RTL1: variants seen among roughly 807,000 people sequenced by gnomAD.
RTL1 encodes the protein retrotransposon-like protein 1.
For missense variants in RTL1, 1,681 were observed against 1,767.5 expected (o/e 0.95, Z 0.88); for synonymous variants, 727 against 748.4 (o/e 0.97, Z 0.47).
At position 100,881,015 on chromosome 14, in the gene RTL1, G is replaced by T. The variant is rs2038601035; in HGVS notation, c.3774C>A (p.Asp1258Glu). 4 of 1,587,208 alleles carry T rather than the reference G, an allele frequency of 2.5e-6. No homozygotes were observed. Among genetic ancestry groups the T allele is most frequent in the African/African-American group, 2.7e-5 (2 of 74,448 alleles). The change falls in exon 4 of 4, where the codon GAC becomes GAA. Residue 1258 changes from aspartate to glutamate, a missense_variant. Physicochemically the swap from Asp to Glu is conservative, Grantham distance 45. Coordinates refer to ENST00000649591, the MANE Select transcript of RTL1 (RefSeq NM_001134888.3). The surrounding 1 kb of genome is among the most constrained non-coding windows in gnomAD (Gnocchi z 6.6). ...CCTCCTGCACGTCGTTGTCCTGCTTGTCCTGCGAGGTGTCTTGCAGGCCGT... is the reference window on the plus strand; with the variant it reads ...CCTCCTGCACGTCGTTGTCCTGCTTTTCCTGCGAGGTGTCTTGCAGGCCGT... ...LHDGLQDTSQDKQDNDVQEAP... is the reference protein window; with the variant it reads ...LHDGLQDTSQEKQDNDVQEAP...
At chr14:100,889,407 A>G (rs753582139) in intron 3 of RTL1, among the ~76,000 whole-genome samples, 1 of 152,194 alleles carries the variant, frequency 6.6e-6, no homozygotes, top group South Asian at 2.1e-4. Context: ...TACTTAAACT[A>G]TAAAGCTGAA....
In RTL1 at chr14:100,880,634, G is replaced by T; in HGVS notation, c.*78C>A. ...GAAGGGAAGCGAAGCAGGCTGAGGC[G>T]CGGGGAGGCCAGGGGACGTCGGGAG... On this transcript the variant is annotated 3_prime_UTR_variant, in exon 4 of 4. Coordinates refer to ENST00000649591, the MANE Select transcript of RTL1 (RefSeq NM_001134888.3). 1 of 1,527,002 alleles carries T rather than the reference G, an allele frequency of 6.5e-7. No homozygotes were observed. The allele number at this position is 1,527,002 out of a possible 1,614,324, so 94.6% of individuals were successfully genotyped here.
intron 2 of RTL1, chr14:100,897,739 T>G: frequency 8.8e-6 from 1 of 113,270 alleles, no homozygotes; most frequent in African/African-American, 1.5e-4. Context: ...TCAGGTCCTT[T>G]ACCCTGGTTG....
chr14:100,881,205 G>A lies in RTL1; in HGVS notation c.3584C>T (p.Thr1195Met), dbSNP rs377347537. Residue 1195 changes from threonine (T) to methionine (M), a missense_variant, in exon 4 of 4, where the codon ACG (threonine) becomes ATG (methionine). By Grantham distance (81) the Thr-to-Met change is moderately conservative (BLOSUM62 -1). Transcript: ENST00000649591. This position sits in a 1 kb window ranked among gnomAD's most constrained non-coding sequence, Gnocchi z 6.6. ...TCTGACACCGAAGAACTCACACAGC[G>A]TCAGCCAGAAGCCAGGGGTGAACTG... ...GLQFTPGFWL[T>M]LCEFFGVRVT... 39 of 1,544,082 alleles carry A rather than the reference G, an allele frequency of 2.5e-5. No individual in the cohort carries two copies. The highest frequency in any genetic ancestry group is 2.4e-4 in the East Asian group (10 of 40,834).
intron 2 of RTL1, among the ~76,000 whole-genome samples, chr14:100,902,744 T>C (rs1380900609): frequency 6.6e-6 from 1 of 152,244 alleles, no homozygotes; most frequent in Non-Finnish European, 1.5e-5. Context: ...GCTTTTCCCC[T>C]GTGAAATGGA....
rs1369963713 is a variant in RTL1 at position 100,884,369 on chromosome 14, G to A, written c.420C>T (p.Asp140=). The change falls in exon 4 of 4, where the codon GAC becomes GAT. Residue 140 remains aspartate (D), a synonymous_variant. Coordinates refer to ENST00000649591, the MANE Select transcript of RTL1 (RefSeq NM_001134888.3). The part of the protein sequence containing the change: ...GAREEQEAHT[D]LKESGREETP... The stretch of plus-strand genomic sequence containing the variant: ...TCTCCTCCCTTCCCGATTCCTTCAG[G>A]TCAGTGTGAGCCTCTTGTTCTTCTC... 1.9e-6 allele frequency: 3 copies of A among 1,569,574 alleles called. No individual in the cohort carries two copies. The highest frequency in any genetic ancestry group is 4.7e-5 in the East Asian group (2 of 42,676).
At position 100,883,486 on chromosome 14, in the gene RTL1, C is replaced by T. The variant is rs1291130795; in HGVS notation, c.1303G>A (p.Gly435Ser). Residue 435 changes from glycine to serine, a missense_variant, in exon 4 of 4, where the codon GGC becomes AGC. Coordinates refer to ENST00000649591, the MANE Select transcript of RTL1 (RefSeq NM_001134888.3). The surrounding 1 kb of genome is among the most constrained non-coding windows in gnomAD (Gnocchi z 5.9). ...GCGAACTTCTCATCCATGAAGTTGC[C>T]GTCAGCTCCCGAATCCACCAGGGCC... ...VQALVDSGADGNFMDEKFAQE... is the reference protein window; with the variant it reads ...VQALVDSGADSNFMDEKFAQE... 19 of 1,551,260 alleles carry T rather than the reference C, an allele frequency of 1.2e-5. No individual in the cohort carries two copies. The Admixed American group carries it at 2.7e-4, about 22-fold the overall frequency.
chr14:100,900,061 C>T (rs981469495), intron 2 of RTL1, among the ~76,000 whole-genome samples: 2 of 152,222 alleles, frequency 1.3e-5, no homozygotes, highest in African/African-American at 4.8e-5. Context: ...CACTTTGAAT[C>T]GGGTTTCCCG....
At chr14:100,889,405 C>G (rs1294734114) in intron 3 of RTL1, among the ~76,000 whole-genome samples, 1 of 152,182 alleles carries the variant, frequency 6.6e-6, no homozygotes, top group Non-Finnish European at 1.5e-5. Context: ...TCTACTTAAA[C>G]TATAAAGCTG....
In RTL1 at chr14:100,883,509, G is replaced by A. The variant is rs890613867; in HGVS notation, c.1280C>T (p.Ala427Val). The change falls in exon 4 of 4, where the codon GCC (alanine) becomes GTC (valine). Residue 427 changes from alanine (A) to valine (V), a missense_variant. Ala to Val is a moderately conservative substitution (Grantham distance 64, BLOSUM62 0). Transcript: ENST00000649591. The surrounding 1 kb of genome is among the most constrained non-coding windows in gnomAD (Gnocchi z 5.9). ...VNPYHSVAVQ[A>V]LVDSGADGNF... ...GCCGTCAGCTCCCGAATCCACCAGGGCCTGGACCGCGACGCTGTGGTAGGG... is the reference window on the plus strand; with the variant it reads ...GCCGTCAGCTCCCGAATCCACCAGGACCTGGACCGCGACGCTGTGGTAGGG... The A allele has an allele frequency of 3.2e-6, 5 of 1,551,400 alleles. No individual in the cohort carries two copies. Among genetic ancestry groups the A allele is most frequent in the African/African-American group, 2.7e-5 (2 of 73,046 alleles).
chr14:100,884,102 T>A lies in RTL1; in HGVS notation c.687A>T (p.Arg229Ser). The A allele has an allele frequency of 6.4e-7, 1 of 1,551,648 alleles. No homozygotes were observed. ...CTCTCAGACGGTCGTTATAGAACAT[T>A]CTTGGGTAGCTCTGTAAGGTCAGTT... Reference protein sequence around the residue: ...LCQLTLQSYPRMFYNDRLRVG... With the variant: ...LCQLTLQSYPSMFYNDRLRVG... Residue 229 changes from arginine (R) to serine (S), a missense_variant, in exon 4 of 4, where the codon AGA becomes AGT. Arg to Ser is a moderately radical substitution (Grantham distance 110). Transcript: ENST00000649591.
At chr14:100,902,185 T>C (rs1171607811) in intron 2 of RTL1, among the ~76,000 whole-genome samples, 1 of 152,206 alleles carries the variant, frequency 6.6e-6, no homozygotes, top group Non-Finnish European at 1.5e-5. Flanking sequence ...AGCCCTCCCC[T>C]GCCTTTTGCA....
chr14:100,903,085 T>G (rs1251881029), intron 2 of RTL1, among the ~76,000 whole-genome samples: 1 of 152,148 alleles, frequency 6.6e-6, no homozygotes, highest in Non-Finnish European at 1.5e-5. Flanking sequence ...CTGCATTTAA[T>G]AGACCGAGAA....
In RTL1 at chr14:100,893,638, T is replaced by G. The variant is rs1018569630; in HGVS notation, c.-148-133A>C. The stretch of plus-strand genomic sequence containing the variant: ...AGCCTGCTCTGCTCGCGTGCCTTTC[T>G]GTTGTGAGCTTTTTTCCACGTGGCT... On this transcript the variant is annotated intron_variant, in intron 2 of 3. Transcript: ENST00000649591. This position sits in a 1 kb window ranked among gnomAD's most constrained non-coding sequence, Gnocchi z 4.2. 6.6e-6 allele frequency among the ~76,000 whole-genome samples: 1 copy of G among 152,382 alleles called. No homozygotes were observed. The highest frequency in any genetic ancestry group is 2.4e-5 in the African/African-American group (1 of 41,594).
At chr14:100,899,378 G>A (rs1304249294) in intron 2 of RTL1, among the ~76,000 whole-genome samples, 1 of 152,230 alleles carries the variant, frequency 6.6e-6, no homozygotes, top group Non-Finnish European at 1.5e-5. Context: ...GACATGTGAT[G>A]ACTGGAGTAA....
chr14:100,883,665 C>G lies in RTL1; in HGVS notation c.1124G>C (p.Arg375Pro), dbSNP rs781748333. 6.4e-6 allele frequency: 10 copies of G among 1,551,438 alleles called. No homozygotes were observed. The South Asian group carries it at 1.2e-4, about 18-fold the overall frequency. The change falls in exon 4 of 4, where the codon CGC becomes CCC. Residue 375 changes from arginine to proline, a missense_variant. Arg to Pro is a moderately radical substitution (Grantham distance 103). Coordinates refer to ENST00000649591, the MANE Select transcript of RTL1 (RefSeq NM_001134888.3). This position sits in a 1 kb window ranked among gnomAD's most constrained non-coding sequence, Gnocchi z 5.9. ...RAMLRLPPEA[R>P]PRNLTWIDSP... The stretch of plus-strand genomic sequence containing the variant: ...GTCGATCCAGGTCAGGTTCCGGGGG[C>G]GGGCCTCGGGGGGCAGCCTGAGCAT...
chr14:100,902,186 G>T (rs962676374), intron 2 of RTL1, among the ~76,000 whole-genome samples: 9 of 152,182 alleles, frequency 5.9e-5, no homozygotes, highest in African/African-American at 2.2e-4. Context: ...GCCCTCCCCT[G>T]CCTTTTGCAT....
chr14:100,891,179 C>A (rs571945428), intron 3 of RTL1, among the ~76,000 whole-genome samples: 1 of 152,078 alleles, frequency 6.6e-6, no homozygotes, highest in Admixed American at 6.5e-5. Context: ...GGAGTCCCTC[C>A]CCCCGGGACC....
At chr14:100,887,409 T>G (rs934487149) in intron 3 of RTL1, among the ~76,000 whole-genome samples, 5 of 152,208 alleles carry the variant, frequency 3.3e-5, no homozygotes, top group Admixed American at 2.0e-4. Context: ...CTATAAAATT[T>G]CTCTGACTAC....
Sources: gnomAD v4.1 joint callset for allele counts (sites outside exome capture counted in the v4.1 genomes callset) on GRCh38, gnomAD v4.1.1 for gene constraint, Gnocchi (gnomAD v3.1) non-coding constraint, MANE v1.5 for transcripts, NCBI Gene and HGNC (gene_info 2026-07-23, HGNC 2026-07-21) for gene names.